STK33: variants seen among roughly 807,000 people sequenced by gnomAD.
The protein encoded by STK33 is serine/threonine kinase 33.
A neutral mutation model predicts 58.0 loss-of-function variants in STK33; 52 were observed. The ratio of observed to expected loss-of-function variants is 0.90; its 90% CI spans 0.72 to 1.13. The LOEUF (loss-of-function observed/expected upper bound fraction) is 1.13. Ranked by LOEUF, STK33 falls within the 50% of genes most tolerant of loss-of-function variation. The pLI, the probability that STK33 is intolerant of heterozygous loss-of-function variation, is 0.00. For synonymous variants in STK33, 215 were observed against 200.1 expected (o/e 1.07, Z -0.63); for missense variants, 630 against 604.2 (o/e 1.04, Z -0.45).
the STK33 span, among the ~76,000 whole-genome samples, chr11:8,351,169 C>T: frequency 3.3e-5 from 5 of 152,174 alleles, no homozygotes; most frequent in Non-Finnish European, 7.4e-5. Flanking sequence ...CGAAACCAAA[C>T]GCCAATTCTA....
At chr11:8,396,232 T>C (rs1849315265) in intron 15 of STK33, among the ~76,000 whole-genome samples, 1 of 152,094 alleles carries the variant, frequency 6.6e-6, no homozygotes, top group Non-Finnish European at 1.5e-5. Context: ...GCCTCCCGAG[T>C]AGTTGGGATT....
the STK33 span, among the ~76,000 whole-genome samples, chr11:8,383,787 G>A: frequency 6.6e-6 from 1 of 152,214 alleles, no homozygotes; most frequent in African/African-American, 2.4e-5. Context: ...GAGTGAGGGA[G>A]ACACACTTGC....
chr11:8,515,778 A>T (rs773464644), intron 1 of STK33, among the ~76,000 whole-genome samples: 85 of 152,328 alleles, frequency 5.6e-4, no homozygotes, highest in Non-Finnish European at 1.1e-3. Flanking sequence ...GATAAAATTC[A>T]ACACTTTTTC....
intron 1 of STK33, among the ~76,000 whole-genome samples, chr11:8,532,209 C>A (rs1160059995): frequency 6.6e-6 from 1 of 152,226 alleles, no homozygotes; most frequent in Non-Finnish European, 1.5e-5. Context: ...TGTGATGTTA[C>A]CATCACTTAT....
At chr11:8,521,147 A>C (rs969465707) in intron 1 of STK33, among the ~76,000 whole-genome samples, 13 of 152,048 alleles carry the variant, frequency 8.5e-5, no homozygotes, top group African/African-American at 3.1e-4. Context: ...TCATATGGAA[A>C]CAAAAAAGAG....
At chr11:8,344,834 G>A in the STK33 span, among the ~76,000 whole-genome samples, 1 of 152,198 alleles carries the variant, frequency 6.6e-6, no homozygotes, top group East Asian at 1.9e-4. Flanking sequence ...GCCCAGGGCT[G>A]TGCTTCCTCG....
chr11:8,398,986 A>G (rs1190118591), intron 15 of STK33, among the ~76,000 whole-genome samples: 2 of 152,212 alleles, frequency 1.3e-5, no homozygotes, highest in East Asian at 1.9e-4. Flanking sequence ...AGAGACCTAC[A>G]AAGAGACTTA....
At chr11:8,515,952 A>G (rs1349659359) in intron 1 of STK33, among the ~76,000 whole-genome samples, 3 of 152,216 alleles carry the variant, frequency 2.0e-5, no homozygotes, top group South Asian at 2.1e-4. Context: ...ATGTTCATGG[A>G]TTGGAATAAT....
chr11:8,513,192 T>C (rs966436011), intron 1 of STK33, among the ~76,000 whole-genome samples: 1 of 152,186 alleles, frequency 6.6e-6, no homozygotes, highest in African/African-American at 2.4e-5. Context: ...CGTGTGGAGC[T>C]AACCACCCTA....
At chr11:8,440,063 G>C (rs988664216) in intron 12 of STK33, among the ~76,000 whole-genome samples, 4 of 151,532 alleles carry the variant, frequency 2.6e-5, no homozygotes, top group African/African-American at 9.7e-5. Flanking sequence ...ATCATAAGGA[G>C]AAAAGATACA....
chr11:8,401,801 C>T (rs996705388), intron 15 of STK33, among the ~76,000 whole-genome samples: 2 of 152,136 alleles, frequency 1.3e-5, no homozygotes, highest in African/African-American at 2.4e-5. Context: ...AAAAAGTGGG[C>T]AAAGGATATG....
At chr11:8,496,533 A>C (rs1252805105) in intron 1 of STK33, among the ~76,000 whole-genome samples, 1 of 152,080 alleles carries the variant, frequency 6.6e-6, no homozygotes, top group Non-Finnish European at 1.5e-5. Flanking sequence ...GGATTGGACA[A>C]TCATGTAAAA....
chr11:8,337,961 C>T, the STK33 span, among the ~76,000 whole-genome samples: 1 of 152,172 alleles, frequency 6.6e-6, no homozygotes, highest in East Asian at 1.9e-4. Context: ...CGTGCTGCCC[C>T]CACCGCCACA....
At chr11:8,436,406 A>G (rs1235028329) in intron 12 of STK33, among the ~76,000 whole-genome samples, 2 of 152,202 alleles carry the variant, frequency 1.3e-5, no homozygotes, top group Admixed American at 1.3e-4. Context: ...AAATGACCCA[A>G]AGCTCTTGCA....
At chr11:8,510,626 T>C (rs1053496323) in intron 1 of STK33, among the ~76,000 whole-genome samples, 1 of 152,230 alleles carries the variant, frequency 6.6e-6, no homozygotes, top group African/African-American at 2.4e-5. Flanking sequence ...AGAATTTTTA[T>C]AGTTTCAAGT....
intron 6 of STK33, chr11:8,466,629 G>A (rs1219585650): frequency 6.6e-6 from 1 of 152,220 alleles, no homozygotes; most frequent in Admixed American, 6.5e-5. Context: ...CAGGTGCATG[G>A]TGCAAGCTGT....
At chr11:8,387,508 G>A (rs1389797291), downstream of STK33, among the ~76,000 whole-genome samples, 1 of 152,202 alleles carries the variant, frequency 6.6e-6, no homozygotes, top group Non-Finnish European at 1.5e-5. Context: ...TTCACAGGCC[G>A]TGGTAAGAAT....
chr11:8,558,636 C>T (rs544427937), intron 1 of STK33, among the ~76,000 whole-genome samples: 2 of 152,160 alleles, frequency 1.3e-5, no homozygotes, highest in South Asian at 2.1e-4. Flanking sequence ...GTGGGTGTGG[C>T]TCATAACTTG....
At chr11:8,346,211 G>C in the STK33 span, among the ~76,000 whole-genome samples, 1 of 152,236 alleles carries the variant, frequency 6.6e-6, no homozygotes, top group African/African-American at 2.4e-5. Flanking sequence ...TGTGGCAGGG[G>C]AGAAGCCACT....
Sources: gnomAD v4.1 joint callset for allele counts (sites outside exome capture counted in the v4.1 genomes callset) on GRCh38, gnomAD v4.1.1 for gene constraint, MANE v1.5 for transcripts, NCBI Gene and HGNC (gene_info 2026-07-23, HGNC 2026-07-21) for gene names.